Variants in OXR1 observed in about 807,000 individuals in gnomAD.
OXR1 encodes oxidation resistance 1.
Under a neutral mutation model 104.6 loss-of-function variants are expected in OXR1, and 41 were observed. The ratio of observed to expected loss-of-function variants is 0.39; its 90% confidence interval spans 0.31 to 0.51. The LOEUF is 0.51. Ranked by LOEUF, OXR1 falls within the 20% of genes least tolerant of loss-of-function variation. The pLI is 0.77. For missense variants in OXR1, 955 were observed against 1,031.9 expected (o/e 0.93, Z 1.02); for synonymous variants, 348 against 348.4 (o/e 1.00, Z 0.01).
intron 3 of OXR1, among the ~76,000 whole-genome samples, chr8:106,635,226 G>C (rs944530600): frequency 2.0e-5 from 3 of 152,176 alleles, no homozygotes; most frequent in African/African-American, 7.2e-5. Context: ...ATTTAGGCAT[G>C]CATAGTGAAG....
chr8:106,537,045 C>G (rs528959963), intron 3 of OXR1, among the ~76,000 whole-genome samples: 1 of 152,200 alleles, frequency 6.6e-6, no homozygotes, highest in South Asian at 2.1e-4. Context: ...TAGATGCTGG[C>G]AGACCCAGTG....
At chr8:106,736,903 C>T (rs905557252) in intron 11 of OXR1, among the ~76,000 whole-genome samples, 2 of 152,118 alleles carry the variant, frequency 1.3e-5, no homozygotes, top group Non-Finnish European at 2.9e-5. Context: ...AGCAGACATA[C>T]TTAGAAGGTA....
chr8:106,654,529 C>A (rs1051406517), intron 3 of OXR1, among the ~76,000 whole-genome samples: 5 of 152,022 alleles, frequency 3.3e-5, no homozygotes, highest in African/African-American at 1.2e-4. Context: ...TGAAAATTAA[C>A]CCAACATAGA....
At chr8:106,657,371 C>T (rs1454832125) in intron 3 of OXR1, 1 of 152,160 alleles carries the variant, frequency 6.6e-6, no homozygotes, top group Non-Finnish European at 1.5e-5. Flanking sequence ...ATGCACTCCA[C>T]CCTCTTTTTT....
At chr8:106,645,542 G>C (rs1205514520) in intron 3 of OXR1, among the ~76,000 whole-genome samples, 1 of 152,162 alleles carries the variant, frequency 6.6e-6, no homozygotes, top group Non-Finnish European at 1.5e-5. Flanking sequence ...ATTTAGAGTA[G>C]ATCTGCAACA....
In OXR1 at chr8:106,578,204, A is replaced by C. The variant is rs150951490; in HGVS notation, c.220+59065A>C. On this transcript the variant is annotated intron_variant, in intron 3 of 16. Transcript: ENST00000517566. ...CAGCCATGTGCAGGGTTCCTTCTCT[A>C]AGCTTCTGTATTTTAATAATTCCAA... Among the ~76,000 whole-genome samples the C allele has an allele frequency of 1.4e-3, 213 of 152,210 alleles. 2 individuals are homozygous for C. The highest frequency in any genetic ancestry group is 4.8e-3 in the African/African-American group (201 of 41,542).
intron 3 of OXR1, among the ~76,000 whole-genome samples, chr8:106,628,984 A>G (rs925282859): frequency 2.6e-5 from 4 of 152,152 alleles, no homozygotes; most frequent in Admixed American, 6.5e-5. Context: ...TAACACTTCA[A>G]CTAACACTCA....
chr8:106,484,281 A>T (rs1822312431), intron 2 of OXR1, among the ~76,000 whole-genome samples: 1 of 152,088 alleles, frequency 6.6e-6, no homozygotes, highest in African/African-American at 2.4e-5. Flanking sequence ...ATTTCAAAAT[A>T]ACAAAAAGAG....
chr8:106,299,957 A>G (rs1042150249), intron 1 of OXR1, among the ~76,000 whole-genome samples: 5 of 152,204 alleles, frequency 3.3e-5, no homozygotes, highest in African/African-American at 7.2e-5. Flanking sequence ...AGAAAGATTG[A>G]TGGGATTTTG....
intron 3 of OXR1, among the ~76,000 whole-genome samples, chr8:106,659,288 T>G (rs1825502634): frequency 6.6e-6 from 1 of 152,184 alleles, no homozygotes; most frequent in Non-Finnish European, 1.5e-5. Flanking sequence ...AGTAAAACAG[T>G]GAGGACATTT....
rs561021604 is a variant in OXR1 at position 106,592,366 on chromosome 8, GAA to G, written c.220+73228_220+73229del. On this transcript the variant is annotated intron_variant, in intron 3 of 16. Transcript: ENST00000517566. Reference sequence around the variant, plus strand: ...ATTTCTGGAGTACTAGGAGAACATGGAATTCAAGGCACTGTTCCCAGTGCTTT... The same window carrying G: ...ATTTCTGGAGTACTAGGAGAACATGGTTCAAGGCACTGTTCCCAGTGCTTT... Among the ~76,000 whole-genome samples, 172 of 152,262 alleles carry G rather than the reference GAA, an allele frequency of 1.1e-3. 1 individual carries two copies. Among genetic ancestry groups the G allele is most frequent in the Non-Finnish European group, 1.8e-3 (125 of 68,022 alleles).
At chr8:106,506,961 C>A (rs1284376135) in intron 2 of OXR1, among the ~76,000 whole-genome samples, 1 of 151,866 alleles carries the variant, frequency 6.6e-6, no homozygotes, top group Non-Finnish European at 1.5e-5. Context: ...CAGTGGTGTG[C>A]CCCTGTAGTC....
At chr8:106,648,606 G>C (rs536926066) in intron 3 of OXR1, among the ~76,000 whole-genome samples, 1 of 152,230 alleles carries the variant, frequency 6.6e-6, no homozygotes, top group South Asian at 2.1e-4. Context: ...ATAGTGCTGC[G>C]GGGGCAGGGG....
At chr8:106,537,684 AAAG>A (rs60476908) in intron 3 of OXR1, among the ~76,000 whole-genome samples, 264 of 150,854 alleles carry the variant, frequency 1.8e-3, no homozygotes, top group African/African-American at 5.9e-3. Context: ...AGTATTTTAA[AAAG>A]AAGAAGAAGA....
At chr8:106,561,703 G>C (rs1013746151) in intron 3 of OXR1, among the ~76,000 whole-genome samples, 1 of 152,162 alleles carries the variant, frequency 6.6e-6, no homozygotes, top group South Asian at 2.1e-4. Flanking sequence ...AGCAATGGTC[G>C]ACAGACACCT....
intron 7 of OXR1, among the ~76,000 whole-genome samples, chr8:106,698,257 C>A (rs529584979): frequency 6.6e-6 from 1 of 152,244 alleles, no homozygotes; most frequent in East Asian, 1.9e-4. Flanking sequence ...AAAGTGAAGT[C>A]TTGCATTATT....
At chr8:106,529,899 A>G (rs1813965717) in intron 3 of OXR1, among the ~76,000 whole-genome samples, 1 of 152,232 alleles carries the variant, frequency 6.6e-6, no homozygotes, top group Non-Finnish European at 1.5e-5. Flanking sequence ...ATTAAAATGG[A>G]CATTGTTCAT....
At chr8:106,292,583 TG>T (rs1812801215) in intron 1 of OXR1, among the ~76,000 whole-genome samples, 1 of 152,204 alleles carries the variant, frequency 6.6e-6, no homozygotes, top group Non-Finnish European at 1.5e-5. Flanking sequence ...GGTCTTGGAA[TG>T]TATTCCTCTG....
intron 3 of OXR1, among the ~76,000 whole-genome samples, chr8:106,666,545 G>A (rs913184822): frequency 6.6e-6 from 1 of 152,194 alleles, no homozygotes; most frequent in Non-Finnish European, 1.5e-5. Context: ...AGATTTTGTA[G>A]TTGAGGAGAG....
Sources: gnomAD v4.1 joint callset for allele counts (sites outside exome capture counted in the v4.1 genomes callset) on GRCh38, gnomAD v4.1.1 for gene constraint, MANE v1.5 for transcripts, NCBI Gene and HGNC (gene_info 2026-07-23, HGNC 2026-07-21) for gene names.